TMEM231: variants seen among roughly 807,000 people sequenced by gnomAD.
The protein encoded by TMEM231 is transmembrane protein 231.
A neutral mutation model predicts 38.5 loss-of-function variants in TMEM231; 40 were observed. The observed-to-expected ratio is 1.04, with a 90% confidence interval of 0.81 to 1.35. TMEM231 has a LOEUF of 1.35. Ranked by LOEUF, TMEM231 falls within the 40% of genes most tolerant of loss-of-function variation. The pLI is 0.00. For synonymous variants in TMEM231, 199 were observed against 181.7 expected (o/e 1.10, Z -0.77); for missense variants, 420 against 416.9 (o/e 1.01, Z -0.07).
At position 75,556,129 on chromosome 16, in the gene TMEM231, C is replaced by T; in HGVS notation, c.81G>A (p.Leu27=). 6.3e-7 allele frequency: 1 copy of T among 1,579,284 alleles called. No homozygotes were observed. Among genetic ancestry groups the T allele is most frequent in the Admixed American group, 1.8e-5 (1 of 55,082 alleles). The change falls in exon 1 of 7, where the codon CTG becomes CTA. Residue 27 remains leucine, a synonymous_variant. Transcript: ENST00000258173. ...TGTACGTGAGCGCAGCGGCCAGCAG[C>T]AGGAACAGCGCGGCTTTGGAGCAGA... The part of the protein sequence containing the change: ...AGLCSKAALF[L]LLAAALTYIP...
At chr16:75,540,267 G>C in intron 6 of TMEM231, 93 bp from the exon 7 acceptor site, 1 of 1,299,544 alleles carries the variant, frequency 7.7e-7, no homozygotes, top group Non-Finnish European at 1.0e-6. Flanking sequence ...ATCTCGAAAG[G>C]AGGCAGGACC....
intron 2 of TMEM231, among the ~76,000 whole-genome samples, chr16:75,551,027 T>C (rs1000354445): frequency 6.6e-6 from 1 of 152,026 alleles, no homozygotes; most frequent in Non-Finnish European, 1.5e-5. Flanking sequence ...CATATTCTTT[T>C]ATTAAAGGTT....
At chr16:75,549,786 G>A (rs1023073335) in intron 2 of TMEM231, among the ~76,000 whole-genome samples, 16 of 151,954 alleles carry the variant, frequency 1.1e-4, no homozygotes, top group Admixed American at 9.2e-4. Flanking sequence ...GCCACTCACC[G>A]CAACCTCCAC....
chr16:75,544,662 A>G (rs931611643), intron 4 of TMEM231, among the ~76,000 whole-genome samples: 1 of 152,230 alleles, frequency 6.6e-6, no homozygotes, highest in African/African-American at 2.4e-5. Flanking sequence ...GAAATACTTT[A>G]CATGAACATT....
intron 2 of TMEM231, among the ~76,000 whole-genome samples, chr16:75,547,633 G>T (rs1343269518): frequency 6.6e-6 from 1 of 152,080 alleles, no homozygotes; most frequent in Non-Finnish European, 1.5e-5. Context: ...ACAAAAATTA[G>T]CTGGGAGTGG....
At chr16:75,543,195 A>G (rs577132359) in intron 4 of TMEM231, among the ~76,000 whole-genome samples, 1 of 152,104 alleles carries the variant, frequency 6.6e-6, no homozygotes, top group Non-Finnish European at 1.5e-5. Flanking sequence ...GCCGTAGTCA[A>G]TGATGATCAT....
In TMEM231 at chr16:75,541,423, A is replaced by C. The variant is rs1286197098; in HGVS notation, c.697T>G (p.Trp233Gly). The C allele has an allele frequency of 6.2e-7, 1 of 1,612,258 alleles. No individual in the cohort carries two copies. The highest frequency in any genetic ancestry group is 8.5e-7 in the Non-Finnish European group (1 of 1,178,934). The change falls in exon 6 of 7, where the codon TGG (tryptophan) becomes GGG (glycine). Residue 233 changes from tryptophan to glycine, a missense_variant. Transcript: ENST00000258173. Reference protein sequence around the residue: ...TTVLNDPNPIWLVGRAADAPF... With the variant: ...TTVLNDPNPIGLVGRAADAPF... ...GCATCTGCGGCCCTGCCCACCAGCC[A>C]GATGGGGTTGGGATCATTCAGGACG...
rs1265472774 is a variant in TMEM231 at position 75,556,201 on chromosome 16, G to A, written c.9C>T (p.Leu3=). 5 of 1,459,684 alleles carry A rather than the reference G, an allele frequency of 3.4e-6. No homozygotes were observed. The highest frequency in any genetic ancestry group is 4.5e-6 in the Non-Finnish European group (5 of 1,112,858). The allele number at this position is 1,459,684 out of a possible 1,614,324, so 90.4% of individuals were successfully genotyped here. A position where few individuals can be genotyped will look rare whatever the true frequency, so the allele number is the denominator to read the frequency against. ...CGACCGGGTGAGAGAAGAGCTCATAGAGCGCCATGAGCACCGCTCGCAGGC... is the reference window on the plus strand; with the variant it reads ...CGACCGGGTGAGAGAAGAGCTCATAAAGCGCCATGAGCACCGCTCGCAGGC... MA[L]YELFSHPVER... is the part of the protein sequence containing the mutation. Residue 3 remains leucine (L), a synonymous_variant, in exon 1 of 7, where the codon CTC becomes CTT. Coordinates refer to ENST00000258173, the MANE Select transcript of TMEM231 (RefSeq NM_001077418.3).
rs912222966 is a variant in TMEM231 at position 75,539,350 on chromosome 16, C to G, written c.*644G>C. On this transcript the variant is annotated 3_prime_UTR_variant, in exon 7 of 7. Transcript: ENST00000258173. ...AGTACGGCAAAGATCCAGGGCTGCTCAGCTGAGCTGATGACAGATGACTGA... is the reference window on the plus strand; with the variant it reads ...AGTACGGCAAAGATCCAGGGCTGCTGAGCTGAGCTGATGACAGATGACTGA... 1 of 152,370 alleles carries G rather than the reference C, an allele frequency of 6.6e-6. No homozygotes were observed. The highest frequency in any genetic ancestry group is 1.5e-5 in the Non-Finnish European group (1 of 68,138). 9.4% of individuals were successfully genotyped at this position (152,370 alleles called of 1,614,324 possible). A position where few individuals can be genotyped will look rare whatever the true frequency, so the allele number is the denominator to read the frequency against.
Position 75,537,167 on chromosome 16 carries a change from C to T in TMEM231, c.*2827G>A, listed in dbSNP as rs1322437045. 1.3e-5 allele frequency: 2 copies of T among 151,178 alleles called. No homozygotes were observed. The highest frequency in any genetic ancestry group is 2.9e-5 in the Non-Finnish European group (2 of 68,198). The allele number at this position is 151,178 out of a possible 1,614,324, so 9.4% of individuals were successfully genotyped here. A position where few individuals can be genotyped will look rare whatever the true frequency, so the allele number is the denominator to read the frequency against. On this transcript the variant is annotated 3_prime_UTR_variant, in exon 7 of 7. Coordinates refer to ENST00000258173, the MANE Select transcript of TMEM231 (RefSeq NM_001077418.3). ...AAAAGAAAAAGAAAAGAAAAACCAC[C>T]TACTGGGTACTATGCTTATTACGTG...
chr16:75,546,340 A>G (rs1373376915), intron 2 of TMEM231, among the ~76,000 whole-genome samples: 1 of 152,188 alleles, frequency 6.6e-6, no homozygotes, highest in Non-Finnish European at 1.5e-5. Flanking sequence ...ATAGTCTTCT[A>G]TGTCTCTAGA....
At chr16:75,552,238 G>C (rs1305961939) in intron 2 of TMEM231, among the ~76,000 whole-genome samples, 5 of 152,138 alleles carry the variant, frequency 3.3e-5, no homozygotes, top group Admixed American at 3.3e-4. Flanking sequence ...CAGATCACTT[G>C]AGCTCAGGAG....
At chr16:75,554,392 C>A (rs1254372472) in intron 2 of TMEM231, among the ~76,000 whole-genome samples, 2 of 151,772 alleles carry the variant, frequency 1.3e-5, no homozygotes, top group African/African-American at 4.8e-5. Context: ...TAGTGAAACC[C>A]CTTCTCTACT....
At chr16:75,543,447 G>A (rs1166708810) in intron 4 of TMEM231, among the ~76,000 whole-genome samples, 1 of 152,086 alleles carries the variant, frequency 6.6e-6, no homozygotes, top group African/African-American at 2.4e-5. Flanking sequence ...GCATATGGCT[G>A]TAATCCCAGC....
At chr16:75,550,527 T>A (rs2080746500) in intron 2 of TMEM231, among the ~76,000 whole-genome samples, 1 of 152,148 alleles carries the variant, frequency 6.6e-6, no homozygotes, top group African/African-American at 2.4e-5. Flanking sequence ...GGTTTGGAGC[T>A]GAGACAATAC....
chr16:75,540,287 T>G (rs2080608207), intron 6 of TMEM231, 113 bp from the exon 7 acceptor site: 1 of 1,044,048 alleles, frequency 9.6e-7, no homozygotes, highest in African/African-American at 1.6e-5. Context: ...CTCTGTCATG[T>G]ACACACCCAG....
chr16:75,545,790 C>G (rs561428498), intron 3 of TMEM231, 36 bp downstream of exon 3: 1 of 897,426 alleles, frequency 1.1e-6, no homozygotes, highest in African/African-American at 2.2e-5. Flanking sequence ...TAAAAAGACA[C>G]AAGGGAGAGG....
intron 2 of TMEM231, among the ~76,000 whole-genome samples, chr16:75,549,378 A>G (rs2080729461): frequency 1.3e-5 from 2 of 152,184 alleles, no homozygotes; most frequent in Admixed American, 1.3e-4. Context: ...CCACCACCTT[A>G]TATCTACAAC....
chr16:75,540,319 G>A, intron 6 of TMEM231, 145 bp from the exon 7 acceptor site: 2 of 786,646 alleles, frequency 2.5e-6, no homozygotes, highest in Non-Finnish European at 3.8e-6. Context: ...CCTGAACTTG[G>A]CCAAATGGTA....
Sources: gnomAD v4.1 joint callset for allele counts (sites outside exome capture counted in the v4.1 genomes callset) on GRCh38, gnomAD v4.1.1 for gene constraint, MANE v1.5 for transcripts, NCBI Gene and HGNC (gene_info 2026-07-23, HGNC 2026-07-21) for gene names.